SCYL3: variants seen among roughly 807,000 people sequenced by gnomAD.
SCYL3 encodes the protein SCY1 like pseudokinase 3.
A neutral mutation model predicts 73.8 loss-of-function variants in SCYL3; 35 were observed. The ratio of observed to expected loss-of-function variants is 0.47; its 90% CI spans 0.36 to 0.63. The LOEUF (loss-of-function observed/expected upper bound fraction) is 0.63. Ranked by LOEUF, SCYL3 falls within the 20% of genes least tolerant of loss-of-function variation. The probability of loss-of-function intolerance (pLI) is 0.00; values close to 1 mark genes in which losing one functional copy is unlikely to be tolerated. For missense variants in SCYL3, 712 were observed against 798.9 expected (o/e 0.89, Z 1.31); for synonymous variants, 277 against 295.2 (o/e 0.94, Z 0.63).
At chr1:169,854,178 C>A in intron 12 of SCYL3, 92 bp downstream of exon 12, 1 of 952,526 alleles carries the variant, frequency 1.0e-6, no homozygotes, top group Non-Finnish European at 1.5e-6. Context: ...AGGAAAATAG[C>A]ATGTTGCTTG....
Position 169,852,727 on chromosome 1 carries a change from C to G in SCYL3, c.*986G>C. ...ATTTGCATGTAAGCTTTACTCCAGT[C>G]CAAAAGGAAGGTTCTTTATATTTAG... On this transcript the variant is annotated 3_prime_UTR_variant, in exon 13 of 13. Coordinates refer to ENST00000367771, the MANE Select transcript of SCYL3 (RefSeq NM_020423.7). The G allele has an allele frequency of 6.4e-7, 1 of 1,551,182 alleles. No individual in the cohort carries two copies.
chr1:169,859,313 A>C (rs1261242923), intron 10 of SCYL3, 101 bp from the exon 11 acceptor site: 4 of 1,155,312 alleles, frequency 3.5e-6, no homozygotes, highest in Non-Finnish European at 4.8e-6. Context: ...TGCTTAGATA[A>C]ACTACATTAT....
At position 169,851,173 on chromosome 1, in the gene SCYL3, C is replaced by A. The variant is rs2102088606; in HGVS notation, c.*2540G>T. 6.7e-6 allele frequency: 1 copy of A among 149,588 alleles called. No individual in the cohort carries two copies. Among genetic ancestry groups the A allele is most frequent in the African/African-American group, 2.5e-5 (1 of 39,956 alleles). 9.3% of individuals were successfully genotyped at this position (149,588 alleles called of 1,614,324 possible). A position where few individuals can be genotyped will look rare whatever the true frequency, so the allele number is the denominator to read the frequency against. On this transcript the variant is annotated 3_prime_UTR_variant, in exon 13 of 13. Coordinates refer to ENST00000367771, the MANE Select transcript of SCYL3 (RefSeq NM_020423.7). ...TCCTATGTCTATGCATACTTGGGAA[C>A]TTAGTGTGAGGAAATAATAGTTAAT...
chr1:169,860,626 A>T (rs1430430914), intron 10 of SCYL3, among the ~76,000 whole-genome samples: 1 of 152,250 alleles, frequency 6.6e-6, no homozygotes, highest in Admixed American at 6.5e-5. Flanking sequence ...CTTTCTGTAC[A>T]TGTAAACTAA....
Position 169,852,964 on chromosome 1 carries a change from C to G in SCYL3, c.*749G>C. The G allele has an allele frequency of 6.2e-7, 1 of 1,613,994 alleles. No homozygotes were observed. The highest frequency in any genetic ancestry group is 8.5e-7 in the Non-Finnish European group (1 of 1,179,918). On this transcript the variant is annotated 3_prime_UTR_variant, in exon 13 of 13. Transcript: ENST00000367771. ...CCAAGAAAGGATGGATAAGCTAAAA[C>G]GTTACATACATACTCTAGGGTGAAA... is the stretch of plus-strand genomic sequence containing the variant.
chr1:169,873,409 A>C (rs1023016582), intron 5 of SCYL3, among the ~76,000 whole-genome samples: 1 of 152,206 alleles, frequency 6.6e-6, no homozygotes, highest in Non-Finnish European at 1.5e-5. Context: ...TATCAGCAGC[A>C]TGAAAACAGA....
In SCYL3 at chr1:169,852,738, G is replaced by GTTCT. The variant is rs1257678510; in HGVS notation, c.*971_*974dup. The GTTCT allele has an allele frequency of 2.5e-6, 4 of 1,576,920 alleles. No homozygotes were observed. Among genetic ancestry groups the GTTCT allele is most frequent in the Admixed American group, 3.5e-5 (2 of 57,724 alleles). On this transcript the variant is annotated 3_prime_UTR_variant, in exon 13 of 13. Coordinates refer to ENST00000367771, the MANE Select transcript of SCYL3 (RefSeq NM_020423.7). ...AGCTTTACTCCAGTCCAAAAGGAAGGTTCTTTATATTTAGAATGGATATTG... is the reference window on the plus strand; with the variant it reads ...AGCTTTACTCCAGTCCAAAAGGAAGGTTCTTTCTTTATATTTAGAATGGATATTG...
rs771816269 is a variant in SCYL3 at position 169,870,156 on chromosome 1, C to T, written c.625+99G>A. On this transcript the variant is annotated intron_variant, in intron 6 of 12. Coordinates refer to ENST00000367771, the MANE Select transcript of SCYL3 (RefSeq NM_020423.7). The stretch of plus-strand genomic sequence containing the variant: ...TACCTGGTAAGCAAAAGATTCCTTA[C>T]TGTGCTCAAAGACTGTAGTCCTTTG... The T allele has an allele frequency of 1.5e-5, 13 of 849,894 alleles. No individual in the cohort carries two copies. In the East Asian group the frequency reaches 1.6e-4, roughly 11 times the overall value. The allele number at this position is 849,894 out of a possible 1,614,324, so 52.6% of individuals were successfully genotyped here. A position where few individuals can be genotyped will look rare whatever the true frequency, so the allele number is the denominator to read the frequency against.
At position 169,852,527 on chromosome 1, in the gene SCYL3, T is replaced by A; in HGVS notation, c.*1186A>T. 1 of 470,598 alleles carries A rather than the reference T, an allele frequency of 2.1e-6. No individual in the cohort carries two copies. Among genetic ancestry groups the A allele is most frequent in the Admixed American group, 3.7e-5 (1 of 26,712 alleles). 29.2% of individuals were successfully genotyped at this position (470,598 alleles called of 1,614,324 possible). A position where few individuals can be genotyped will look rare whatever the true frequency, so the allele number is the denominator to read the frequency against. On this transcript the variant is annotated 3_prime_UTR_variant, in exon 13 of 13. Transcript: ENST00000367771. ...AGCTTGGACTATGCAGCACTTCTCA[T>A]TGGGAGCCCTTTGGGACAGGATACT... is the stretch of plus-strand genomic sequence containing the variant.
chr1:169,854,019 C>CTT, intron 12 of SCYL3: 1 of 577,084 alleles, frequency 1.7e-6, no homozygotes, highest in Non-Finnish European at 3.0e-6. Context: ...ACACCAAATC[C>CTT]TTATTTTAAT....
chr1:169,878,705 T>C lies in SCYL3; in HGVS notation c.280A>G (p.Thr94Ala). ...GCACAGACCTCTGCAGAAGACAATGTTTCCAAAGCCACTTCCAGGGGCTGT... is the reference window on the plus strand; with the variant it reads ...GCACAGACCTCTGCAGAAGACAATGCTTCCAAAGCCACTTCCAGGGGCTGT... ...RVQPLEVALE[T>A]LSSAEVCAGI... Residue 94 changes from threonine to alanine, a missense_variant, in exon 3 of 13, where the codon ACA becomes GCA. By Grantham distance (58) the Thr-to-Ala change is moderately conservative. This residue lies in a region of SCYL3 where 342 missense variants were observed against 448.1 expected (regional missense o/e 0.76). Transcript: ENST00000367771. 6.2e-7 allele frequency: 1 copy of C among 1,614,086 alleles called. No homozygotes were observed. The highest frequency in any genetic ancestry group is 8.5e-7 in the Non-Finnish European group (1 of 1,179,940).
rs1658107929 is a variant in SCYL3, at chr1:169,850,973, G to A, written c.*2740C>T. On this transcript the variant is annotated 3_prime_UTR_variant, in exon 13 of 13. Coordinates refer to ENST00000367771, the MANE Select transcript of SCYL3 (RefSeq NM_020423.7). ...ACTACCATATTTTGGGTATAATTTA[G>A]GCATGGCTTTTTTTTTTTTTTTTTT... is the stretch of plus-strand genomic sequence containing the variant. 2 of 99,130 alleles carry A rather than the reference G, an allele frequency of 2.0e-5. No individual in the cohort carries two copies. Among genetic ancestry groups the A allele is most frequent in the South Asian group, 8.4e-4 (2 of 2,390 alleles). 6.1% of individuals were successfully genotyped at this position (99,130 alleles called of 1,614,324 possible).
chr1:169,861,215 C>T (rs564350473), intron 10 of SCYL3, among the ~76,000 whole-genome samples: 5 of 152,312 alleles, frequency 3.3e-5, no homozygotes, highest in African/African-American at 1.2e-4. Flanking sequence ...CTTGAGTAAA[C>T]CCATCCCACA....
chr1:169,862,871 T>C, intron 9 of SCYL3, 74 bp from the exon 10 acceptor site: 1 of 1,397,502 alleles, frequency 7.2e-7, no homozygotes, highest in Non-Finnish European at 1.0e-6. Flanking sequence ...GCATAATTCA[T>C]ACACTGAACC....
At position 169,878,650 on chromosome 1, in the gene SCYL3, A is replaced by T; in HGVS notation, c.335T>A (p.Ile112Asn). The T allele has an allele frequency of 1.2e-6, 2 of 1,612,602 alleles. No individual in the cohort carries two copies. Among genetic ancestry groups the T allele is most frequent in the Non-Finnish European group, 1.7e-6 (2 of 1,179,468 alleles). Reference protein sequence around the residue: ...AGIYDILLALIFLHDRGHLTH... With the variant: ...AGIYDILLALNFLHDRGHLTH... ...GTTACTTACTCTGTCATGAAGGAAG[A>T]TAAGAGCCAGCAATATGTCATAGAT... The change falls in exon 3 of 13, where the codon ATC becomes AAC. Residue 112 changes from isoleucine to asparagine, a missense_variant. Ile to Asn is a moderately radical substitution (Grantham distance 149). Transcript: ENST00000367771.
At chr1:169,876,380 G>A (rs1167330994) in intron 3 of SCYL3, among the ~76,000 whole-genome samples, 1 of 152,146 alleles carries the variant, frequency 6.6e-6, no homozygotes, top group Non-Finnish European at 1.5e-5. Flanking sequence ...TAAAGCCAGT[G>A]CACACAGTCA....
At position 169,868,909 on chromosome 1, in the gene SCYL3, C is replaced by T. The variant is rs927271534; in HGVS notation, c.737+19G>A. The T allele has an allele frequency of 6.3e-7, 1 of 1,576,624 alleles. No homozygotes were observed. The highest frequency in any genetic ancestry group is 8.7e-7 in the Non-Finnish European group (1 of 1,146,556). On this transcript the variant is annotated intron_variant, in intron 7 of 12. Transcript: ENST00000367771. ...AGTGTTCCGGAAGCAGCTGGCGTCA[C>T]CACACCAGATGCCCTCACCTGAAGA...
At chr1:169,860,505 G>T (rs1021327028) in intron 10 of SCYL3, among the ~76,000 whole-genome samples, 1 of 152,172 alleles carries the variant, frequency 6.6e-6, no homozygotes, top group Non-Finnish European at 1.5e-5. Context: ...AATGTGACTT[G>T]ACCAATTGGT....
At chr1:169,875,264 C>T (rs988741770) in intron 4 of SCYL3, among the ~76,000 whole-genome samples, 59 of 152,066 alleles carry the variant, frequency 3.9e-4, no homozygotes, top group African/African-American at 1.1e-3. Context: ...CCACCATTTC[C>T]GTAGGGATAT....
Sources: gnomAD v4.1 joint callset for allele counts (sites outside exome capture counted in the v4.1 genomes callset) on GRCh38, gnomAD v4.1.1 for gene constraint, gnomAD v4.1.1 regional missense constraint, MANE v1.5 for transcripts, NCBI Gene and HGNC (gene_info 2026-07-23, HGNC 2026-07-21) for gene names.